The following FERMT2 variants were observed in gnomAD, a reference collection of about 807,000 sequenced individuals.
The protein encoded by FERMT2 is fermitin family homolog 2.
Under a neutral mutation model 82.7 loss-of-function variants are expected in FERMT2, and 15 were observed. The ratio of observed to expected loss-of-function variants is 0.18; its 90% CI spans 0.12 to 0.28. The LOEUF (loss-of-function observed/expected upper bound fraction) is 0.28, where lower values mean the gene tolerates loss of function less well. Among genes scored for constraint, FERMT2 ranks in the 10% least tolerant of loss-of-function variants. FERMT2 has a pLI of 1.00. For missense variants in FERMT2, 645 were observed against 809.4 expected (o/e 0.80, Z 2.46); for synonymous variants, 274 against 271.5 (o/e 1.01, Z -0.09).
chr14:52,927,290 T>A (rs1399891087), intron 2 of FERMT2, among the ~76,000 whole-genome samples: 1 of 151,894 alleles, frequency 6.6e-6, no homozygotes, highest in East Asian at 1.9e-4. Context: ...AAGAAAAAAA[T>A]ACATATTTCA....
At chr14:52,888,033 C>A (rs184742903) in intron 4 of FERMT2, among the ~76,000 whole-genome samples, 1 of 151,906 alleles carries the variant, frequency 6.6e-6, no homozygotes, top group Non-Finnish European at 1.5e-5. Context: ...AATTGTTGAC[C>A]ATGGAGGAGG....
At chr14:52,906,849 T>C (rs1236065418) in intron 3 of FERMT2, among the ~76,000 whole-genome samples, 1 of 136,436 alleles carries the variant, frequency 7.3e-6, no homozygotes, top group Non-Finnish European at 1.5e-5. Context: ...AAGGTAAAGA[T>C]AAAATCTTCC....
At chr14:52,897,929 T>C (rs975530420) in intron 3 of FERMT2, among the ~76,000 whole-genome samples, 3 of 126,988 alleles carry the variant, frequency 2.4e-5, no homozygotes, top group Admixed American at 2.1e-4. Context: ...TGAGCTAAGA[T>C]CATGCCATTG....
At chr14:52,931,303 C>T (rs959604073) in intron 2 of FERMT2, among the ~76,000 whole-genome samples, 3 of 152,130 alleles carry the variant, frequency 2.0e-5, no homozygotes, top group Admixed American at 6.5e-5. Context: ...CAACATTAAA[C>T]GTGAAAGATT....
intron 2 of FERMT2, 84 bp from the exon 3 acceptor site, chr14:52,919,440 G>T: frequency 2.3e-6 from 2 of 887,842 alleles, no homozygotes; most frequent in South Asian, 1.7e-5. Context: ...TAGATAATTG[G>T]GTATTTAACA....
intron 3 of FERMT2, among the ~76,000 whole-genome samples, chr14:52,905,780 G>A (rs879634640): frequency 2.0e-5 from 3 of 152,202 alleles, no homozygotes; most frequent in Non-Finnish European, 4.4e-5. Context: ...ATTTGGAAAG[G>A]AATGCCATGA....
At chr14:52,897,006 AC>A (rs1172554448) in intron 3 of FERMT2, among the ~76,000 whole-genome samples, 12 of 7,424 alleles carry the variant, frequency 1.6e-3, no homozygotes, top group South Asian at 0.028. Context: ...TAAAACACAC[AC>A]ACACACACAC....
intron 2 of FERMT2, among the ~76,000 whole-genome samples, chr14:52,932,698 C>T (rs1472901624): frequency 6.6e-6 from 1 of 152,196 alleles, no homozygotes; most frequent in Non-Finnish European, 1.5e-5. Flanking sequence ...ACTTCTGAGT[C>T]ATTCCTCTCT....
intron 2 of FERMT2, among the ~76,000 whole-genome samples, chr14:52,935,584 C>T (rs1889799857): frequency 6.6e-6 from 1 of 152,198 alleles, no homozygotes; most frequent in South Asian, 2.1e-4. Flanking sequence ...AGGGTCCTCA[C>T]TGGAAACCAA....
At chr14:52,922,105 A>AC (rs1888987839) in intron 2 of FERMT2, among the ~76,000 whole-genome samples, 1 of 152,170 alleles carries the variant, frequency 6.6e-6, no homozygotes, top group Non-Finnish European at 1.5e-5. Context: ...CAGGAAGCAC[A>AC]CTTGAGGGGA....
intron 13 of FERMT2, 88 bp downstream of exon 13, chr14:52,860,253 G>T: frequency 8.8e-7 from 1 of 1,133,220 alleles, no homozygotes; most frequent in South Asian, 1.5e-5. Context: ...ACATAGGTAT[G>T]CTTTAGATGT....
intron 2 of FERMT2, among the ~76,000 whole-genome samples, chr14:52,938,600 T>C (rs115487025): frequency 1.8e-4 from 27 of 152,258 alleles, no homozygotes; most frequent in African/African-American, 6.5e-4. Context: ...ACAGTCTCAC[T>C]CTGTCAACCA....
chr14:52,875,970 C>T (rs1200687067), intron 7 of FERMT2, among the ~76,000 whole-genome samples: 12 of 152,096 alleles, frequency 7.9e-5, no homozygotes, highest in Non-Finnish European at 1.6e-4. Context: ...GTAGTGATGA[C>T]TACTCATATG....
chr14:52,887,183 T>C (rs1036610767), intron 4 of FERMT2, among the ~76,000 whole-genome samples: 1 of 151,530 alleles, frequency 6.6e-6, no homozygotes, highest in South Asian at 2.1e-4. Context: ...TCGCCCAGGC[T>C]GGAGTGCAAT....
At chr14:52,930,576 G>A (rs1356001534) in intron 2 of FERMT2, among the ~76,000 whole-genome samples, 1 of 152,162 alleles carries the variant, frequency 6.6e-6, no homozygotes, top group Non-Finnish European at 1.5e-5. Context: ...ATGGCTTCCT[G>A]AGGAATATCA....
At chr14:52,927,590 T>TAAAAAAAA (rs1566755584) in intron 2 of FERMT2, among the ~76,000 whole-genome samples, 5 of 11,788 alleles carry the variant, frequency 4.2e-4, no homozygotes, top group African/African-American at 1.0e-3. Context: ...ACCTCATCCC[T>TAAAAAAAA]ATAAAAAAAA....
chr14:52,891,053 T>C (rs998143823), intron 4 of FERMT2, among the ~76,000 whole-genome samples: 5 of 152,208 alleles, frequency 3.3e-5, no homozygotes, highest in African/African-American at 1.2e-4. Context: ...TGTAAAATAT[T>C]CAGAAACCAA....
chr14:52,937,242 T>C (rs911365943), intron 2 of FERMT2, among the ~76,000 whole-genome samples: 1 of 152,172 alleles, frequency 6.6e-6, no homozygotes, highest in African/African-American at 2.4e-5. Context: ...GGTTAAGGAA[T>C]GAGTTAATTT....
At chr14:52,942,525 A>T (rs1402685342) in intron 2 of FERMT2, among the ~76,000 whole-genome samples, 1 of 151,816 alleles carries the variant, frequency 6.6e-6, no homozygotes, top group Non-Finnish European at 1.5e-5. Flanking sequence ...GATGGTCTTG[A>T]TCTCCTGACC....
Sources: gnomAD v4.1 joint callset for allele counts (sites outside exome capture counted in the v4.1 genomes callset) on GRCh38, gnomAD v4.1.1 for gene constraint, MANE v1.5 for transcripts, NCBI Gene and HGNC (gene_info 2026-07-23, HGNC 2026-07-21) for gene names.